Variants in TMEM221 observed in about 807,000 individuals in gnomAD.
TMEM221 encodes transmembrane protein 221.
Under a neutral mutation model 10.2 loss-of-function variants are expected in TMEM221, and 11 were observed. The ratio of observed to expected loss-of-function variants is 1.08; its 90% CI spans 0.68 to 1.79. TMEM221 has a LOEUF of 1.79. Among genes scored for constraint, TMEM221 ranks in the 40% most tolerant of loss-of-function variants. TMEM221 has a pLI of 0.00. For missense variants in TMEM221, 382 were observed against 417.7 expected (o/e 0.91, Z 0.75); for synonymous variants, 172 against 199.8 (o/e 0.86, Z 1.18).
At chr19:17,438,595 CTT>C (rs567618962) in intron 2 of TMEM221, among the ~76,000 whole-genome samples, 10 of 127,746 alleles carry the variant, frequency 7.8e-5, no homozygotes, top group East Asian at 2.3e-4. Flanking sequence ...CCTGCTCTAT[CTT>C]TTTTTTTTTT....
chr19:17,436,978 C>G, intron 2 of TMEM221, 51 bp from the exon 3 acceptor site: 1 of 1,333,872 alleles, frequency 7.5e-7, no homozygotes, highest in South Asian at 2.1e-5. Context: ...ATTTGCCCTC[C>G]AAGCCCTCAG....
intron 2 of TMEM221, among the ~76,000 whole-genome samples, chr19:17,440,900 A>C (rs1424962906): frequency 3.3e-5 from 5 of 152,050 alleles, no homozygotes; most frequent in Non-Finnish European, 7.4e-5. Context: ...TCAGTTAGCC[A>C]ATGTGAATAA....
chr19:17,448,535 G>A lies in TMEM221; in HGVS notation c.-73C>T, dbSNP rs899306200. The A allele has an allele frequency of 1.8e-5, 22 of 1,197,280 alleles. No individual in the cohort carries two copies. The highest frequency in any genetic ancestry group is 1.5e-4 in the African/African-American group (9 of 61,756). The allele number at this position is 1,197,280 out of a possible 1,614,324, so 74.2% of individuals were successfully genotyped here. A position where few individuals can be genotyped will look rare whatever the true frequency, so the allele number is the denominator to read the frequency against. On this transcript the variant is annotated 5_prime_UTR_variant, in exon 1 of 3. Transcript: ENST00000341130. The surrounding 1 kb of genome is among the most constrained non-coding windows in gnomAD (Gnocchi z 4.7). ...TTTTAGAGGGCAGGGGAGTTGGGGG[G>A]AATCCGAGGGTCCTCAGGGGGTCCC... is the stretch of plus-strand genomic sequence containing the variant.
chr19:17,447,167 A>C (rs2144506559), intron 1 of TMEM221, among the ~76,000 whole-genome samples: 1 of 151,834 alleles, frequency 6.6e-6, no homozygotes, highest in Non-Finnish European at 1.5e-5. Flanking sequence ...GGCTGCAGTG[A>C]ACCGAGATAG....
rs370747995 is a variant in TMEM221 at position 17,441,630 on chromosome 19, AGACTTTAGCCTG to A, written c.406+3557_406+3568del. Among the ~76,000 whole-genome samples, 374 of 152,268 alleles carry A rather than the reference AGACTTTAGCCTG, an allele frequency of 2.5e-3. 1 individual carries two copies. Among genetic ancestry groups the A allele is most frequent in the African/African-American group, 8.4e-3 (350 of 41,570 alleles). ...GCTCAGCCTATCAGAGTCAGCCCTGAGACTTTAGCCTGGGCTACTGGGACAGATAGATTTTCC... is the reference window on the plus strand; with the variant it reads ...GCTCAGCCTATCAGAGTCAGCCCTGAGGCTACTGGGACAGATAGATTTTCC... On this transcript the variant is annotated intron_variant, in intron 2 of 2. Transcript: ENST00000341130.
At position 17,448,167 on chromosome 19, in the gene TMEM221, A is replaced by C. The variant is rs2074959762; in HGVS notation, c.296T>G (p.Leu99Arg). The change falls in exon 1 of 3, where the codon CTG (leucine) becomes CGG (arginine). Residue 99 changes from leucine (L) to arginine (R), a missense_variant. Leu to Arg is a moderately radical substitution (Grantham distance 102, BLOSUM62 -2). Coordinates refer to ENST00000341130, the MANE Select transcript of TMEM221 (RefSeq NM_001190844.2). The surrounding 1 kb of genome is among the most constrained non-coding windows in gnomAD (Gnocchi z 4.7). ...CCTCCTGGGGCCAGGCCCCCGCGCC[A>C]GCTCGGCGCCCAGGTGGCCACAGAG... is the stretch of plus-strand genomic sequence containing the variant. ...AALCGHLGAE[L>R]ARGPGPRRSD... The C allele has an allele frequency of 7.0e-7, 1 of 1,428,938 alleles. No homozygotes were observed. The highest frequency in any genetic ancestry group is 9.1e-7 in the Non-Finnish European group (1 of 1,094,424). 88.5% of individuals were successfully genotyped at this position (1,428,938 alleles called of 1,614,324 possible). A position where few individuals can be genotyped will look rare whatever the true frequency, so the allele number is the denominator to read the frequency against.
At chr19:17,441,401 A>G in intron 2 of TMEM221, among the ~76,000 whole-genome samples, 1 of 151,954 alleles carries the variant, frequency 6.6e-6, no homozygotes, top group East Asian at 1.9e-4. Context: ...GTCTCCAGGC[A>G]GTGACAAAAG....
At chr19:17,439,166 C>A (rs1489893722) in intron 2 of TMEM221, among the ~76,000 whole-genome samples, 1 of 148,802 alleles carries the variant, frequency 6.7e-6, no homozygotes, top group East Asian at 2.0e-4. Context: ...GAGATCACGC[C>A]ACTGCACTCC....
At chr19:17,437,412 T>G (rs968461534) in intron 2 of TMEM221, among the ~76,000 whole-genome samples, 1 of 151,880 alleles carries the variant, frequency 6.6e-6, no homozygotes, top group African/African-American at 2.4e-5. Context: ...CACCCAAGAG[T>G]GTCCGAGGCT....
intron 2 of TMEM221, among the ~76,000 whole-genome samples, chr19:17,439,988 A>G (rs1000280481): frequency 6.6e-6 from 1 of 152,128 alleles, no homozygotes; most frequent in African/African-American, 2.4e-5. Context: ...CAGGAGTTCG[A>G]CGCCAGCTCA....
At chr19:17,437,554 C>T (rs1472957499) in intron 2 of TMEM221, among the ~76,000 whole-genome samples, 2 of 152,116 alleles carry the variant, frequency 1.3e-5, no homozygotes, top group African/African-American at 2.4e-5. Context: ...ATGGTAAAAC[C>T]CTGTCTCTAC....
At position 17,448,398 on chromosome 19, in the gene TMEM221, A is replaced by C; in HGVS notation, c.65T>G (p.Val22Gly). 2 of 1,457,842 alleles carry C rather than the reference A, an allele frequency of 1.4e-6. No individual in the cohort carries two copies. The highest frequency in any genetic ancestry group is 3.0e-5 in the East Asian group (1 of 32,996). 90.3% of individuals were successfully genotyped at this position (1,457,842 alleles called of 1,614,324 possible). Residue 22 changes from valine (V) to glycine (G), a missense_variant, in exon 1 of 3, where the codon GTG becomes GGG. Val to Gly is a moderately radical substitution (Grantham distance 109). Coordinates refer to ENST00000341130, the MANE Select transcript of TMEM221 (RefSeq NM_001190844.2). The surrounding 1 kb of genome is among the most constrained non-coding windows in gnomAD (Gnocchi z 4.7). Reference protein sequence around the residue: ...AMTLLGIAAAVLAALGAQLLF... With the variant: ...AMTLLGIAAAGLAALGAQLLF... ...CAGCTGCGCGCCCAGCGCCGCCAGCACGGCCGCCGCGATGCCCAGCAGGGT... is the reference window on the plus strand; with the variant it reads ...CAGCTGCGCGCCCAGCGCCGCCAGCCCGGCCGCCGCGATGCCCAGCAGGGT...
intron 2 of TMEM221, among the ~76,000 whole-genome samples, chr19:17,444,320 T>C (rs2074943718): frequency 6.6e-6 from 1 of 151,506 alleles, no homozygotes; most frequent in South Asian, 2.1e-4. Context: ...TGACCTCAGG[T>C]GATCCACCAG....
intron 1 of TMEM221, among the ~76,000 whole-genome samples, chr19:17,446,788 TA>T: frequency 6.6e-6 from 1 of 152,238 alleles, no homozygotes; most frequent in Admixed American, 6.5e-5. Flanking sequence ...TGGTTATTCA[TA>T]AGCATGATCA....
chr19:17,448,551 A>AG lies in TMEM221; in HGVS notation c.-90dup. ...AGTTGGGGGGAATCCGAGGGTCCTC[A>AG]GGGGGTCCCCGAGGGGGCGGGGCCG... On this transcript the variant is annotated 5_prime_UTR_variant, in exon 1 of 3. Coordinates refer to ENST00000341130, the MANE Select transcript of TMEM221 (RefSeq NM_001190844.2). This position sits in a 1 kb window ranked among gnomAD's most constrained non-coding sequence, Gnocchi z 4.7. 1 of 859,788 alleles carries AG rather than the reference A, an allele frequency of 1.2e-6. No homozygotes were observed. Among genetic ancestry groups the AG allele is most frequent in the Non-Finnish European group, 1.5e-6 (1 of 670,520 alleles). The allele number at this position is 859,788 out of a possible 1,614,324, so 53.3% of individuals were successfully genotyped here. A position where few individuals can be genotyped will look rare whatever the true frequency, so the allele number is the denominator to read the frequency against.
rs1415897541 is a variant in TMEM221, at chr19:17,436,532, C to T, written c.802G>A (p.Gly268Arg). 1.4e-5 allele frequency: 21 copies of T among 1,536,004 alleles called. No individual in the cohort carries two copies. The East Asian group carries it at 3.2e-4, about 23-fold the overall frequency. ...TLSAGLGHWD[G>R]VTHEMRRMLG... The stretch of plus-strand genomic sequence containing the variant: ...ATTCGACGCATCTCGTGCGTAACCC[C>T]GTCCCAGTGCCCCAGGCCAGCCGAC... Residue 268 changes from glycine (G) to arginine (R), a missense_variant, in exon 3 of 3, where the codon GGG becomes AGG. Transcript: ENST00000341130.
At chr19:17,443,326 TTTA>T (rs2074939397) in intron 2 of TMEM221, among the ~76,000 whole-genome samples, 2 of 151,320 alleles carry the variant, frequency 1.3e-5, no homozygotes, top group African/African-American at 4.8e-5. Flanking sequence ...TATTTATTTA[TTTA>T]TTTATTTATT....
intron 2 of TMEM221, among the ~76,000 whole-genome samples, chr19:17,439,206 CAA>C (rs35872715): frequency 9.0e-6 from 1 of 111,450 alleles, no homozygotes; most frequent in Non-Finnish European, 1.8e-5. Flanking sequence ...GACTCCATCT[CAA>C]AAAAAAAAAA....
chr19:17,436,461 C>T lies in TMEM221; in HGVS notation c.873G>A (p.Val291=). The stretch of plus-strand genomic sequence containing the variant: ...TCTCTATTCCTCATCCCTGGGCTCA[C>T]ACCAGTGTGGAGTCCTTCCCCATGC... The part of the protein sequence containing the change: ...PGSMGKDSTL[V] The change falls in exon 3 of 3, where the codon GTG becomes GTA. Residue 291 remains valine (V), a synonymous_variant. Coordinates refer to ENST00000341130, the MANE Select transcript of TMEM221 (RefSeq NM_001190844.2). The T allele has an allele frequency of 4.0e-6, 6 of 1,513,066 alleles. No homozygotes were observed. Among genetic ancestry groups the T allele is most frequent in the Non-Finnish European group, 5.3e-6 (6 of 1,131,048 alleles). The allele number at this position is 1,513,066 out of a possible 1,614,324, so 93.7% of individuals were successfully genotyped here.
Sources: gnomAD v4.1 joint callset for allele counts (sites outside exome capture counted in the v4.1 genomes callset) on GRCh38, gnomAD v4.1.1 for gene constraint, Gnocchi (gnomAD v3.1) non-coding constraint, MANE v1.5 for transcripts, NCBI Gene and HGNC (gene_info 2026-07-23, HGNC 2026-07-21) for gene names.